The following FGF12 variants were observed in gnomAD, a reference collection of about 807,000 sequenced individuals.
FGF12 encodes fibroblast growth factor 12B.
A neutral mutation model predicts 23.6 loss-of-function variants in FGF12; 14 were observed. That is an observed-to-expected ratio of 0.59 (90% CI 0.39 to 0.93). The LOEUF (loss-of-function observed/expected upper bound fraction) is 0.93. Ranked by LOEUF, FGF12 falls within the 40% of genes least tolerant of loss-of-function variation. FGF12 has a pLI of 0.00. For missense variants in FGF12, 175 were observed against 217.8 expected (o/e 0.80, Z 1.24); for synonymous variants, 62 against 77.3 (o/e 0.80, Z 1.04).
chr3:192,602,610 G>A (rs1054155025), intron 2 of FGF12, among the ~76,000 whole-genome samples: 1 of 151,790 alleles, frequency 6.6e-6, no homozygotes. Flanking sequence ...AAACAGCAAA[G>A]TTTCAATAGA....
At chr3:192,202,167 G>A (rs1053885341) in intron 4 of FGF12, among the ~76,000 whole-genome samples, 10 of 152,212 alleles carry the variant, frequency 6.6e-5, no homozygotes, top group African/African-American at 2.4e-4. Context: ...AAAAAGTAAG[G>A]TATCCAACAG....
intron 2 of FGF12, among the ~76,000 whole-genome samples, chr3:192,703,902 A>C (rs1013687383): frequency 2.0e-5 from 3 of 152,200 alleles, no homozygotes; most frequent in Non-Finnish European, 2.9e-5. Context: ...ACAAGGTCTC[A>C]CTGTGTTGCC....
Position 192,566,913 on chromosome 3 carries a change from G to A in FGF12, c.13+160268C>T, listed in dbSNP as rs1014560155. Among the ~76,000 whole-genome samples, 9 of 152,146 alleles carry A rather than the reference G, an allele frequency of 5.9e-5. No homozygotes were observed. The South Asian group carries it at 1.7e-3, about 28-fold the overall frequency. ...TAGGGTACAAGCAGCAAGAGCCGGC[G>A]GCCTAGAGGGTGCTATGCACTGAAT... On this transcript the variant is annotated intron_variant, in intron 2 of 5. Coordinates refer to ENST00000445105, the MANE Select transcript of FGF12 (RefSeq NM_004113.6).
At chr3:192,258,515 G>T (rs930912992) in intron 4 of FGF12, among the ~76,000 whole-genome samples, 1 of 152,164 alleles carries the variant, frequency 6.6e-6, no homozygotes, top group East Asian at 1.9e-4. Context: ...AGTATAGTTT[G>T]TTTATAATAA....
At chr3:192,313,996 G>C (rs1432249197) in intron 4 of FGF12, among the ~76,000 whole-genome samples, 1 of 152,222 alleles carries the variant, frequency 6.6e-6, no homozygotes, top group African/African-American at 2.4e-5. Flanking sequence ...AATAGGATCA[G>C]TGTCCTTGTA....
At chr3:192,576,142 A>C (rs1459993697) in intron 2 of FGF12, among the ~76,000 whole-genome samples, 2 of 152,206 alleles carry the variant, frequency 1.3e-5, no homozygotes, top group Non-Finnish European at 2.9e-5. Context: ...CAGCACATTT[A>C]TGCAGCCCTT....
intron 2 of FGF12, among the ~76,000 whole-genome samples, chr3:192,677,457 G>A (rs1717368141): frequency 6.6e-6 from 1 of 152,050 alleles, no homozygotes; most frequent in Non-Finnish European, 1.5e-5. Flanking sequence ...ACATACACAG[G>A]GAGAGAATTT....
intron 2 of FGF12, among the ~76,000 whole-genome samples, chr3:192,657,122 C>G (rs1716459037): frequency 6.6e-6 from 1 of 150,886 alleles, no homozygotes; most frequent in South Asian, 2.1e-4. Context: ...TTTTCCTTTA[C>G]ATTCATAAAG....
At chr3:192,711,571 A>C (rs1718682109) in intron 2 of FGF12, among the ~76,000 whole-genome samples, 1 of 152,184 alleles carries the variant, frequency 6.6e-6, no homozygotes, top group Non-Finnish European at 1.5e-5. Context: ...AAAGAAGTAG[A>C]CATAGGAGAC....
chr3:192,469,326 G>A (rs1723104059), intron 2 of FGF12, among the ~76,000 whole-genome samples: 1 of 152,118 alleles, frequency 6.6e-6, no homozygotes, highest in Admixed American at 6.6e-5. Context: ...GGAAATAAAT[G>A]TACATTTGCT....
rs775152193 is a variant in FGF12 at position 192,140,532 on chromosome 3, C to A, written c.*3477G>T. On this transcript the variant is annotated 3_prime_UTR_variant, in exon 6 of 6. Coordinates refer to ENST00000445105, the MANE Select transcript of FGF12 (RefSeq NM_004113.6). ...AATCAGTGCTCCCAAATTAGGAATT[C>A]CAAACTTTTCAATATGCAACCTTTA... is the stretch of plus-strand genomic sequence containing the variant. 6.6e-6 allele frequency: 1 copy of A among 151,950 alleles called. No individual in the cohort carries two copies. The highest frequency in any genetic ancestry group is 1.5e-5 in the Non-Finnish European group (1 of 67,880). 9.4% of individuals were successfully genotyped at this position (151,950 alleles called of 1,614,324 possible). A position where few individuals can be genotyped will look rare whatever the true frequency, so the allele number is the denominator to read the frequency against.
At chr3:192,727,419 G>A in intron 1 of FGF12, 65 bp downstream of exon 1, 1 of 1,311,218 alleles carries the variant, frequency 7.6e-7, no homozygotes, top group Non-Finnish European at 1.0e-6. Flanking sequence ...GATACGTTGC[G>A]ACGCGCATCT....
At chr3:192,500,080 G>A (rs565395533) in intron 2 of FGF12, among the ~76,000 whole-genome samples, 2 of 152,274 alleles carry the variant, frequency 1.3e-5, no homozygotes, top group East Asian at 1.9e-4. Flanking sequence ...GTCAATGTCT[G>A]CCTTAGAAAT....
At chr3:192,531,460 G>A (rs1286273022) in intron 2 of FGF12, among the ~76,000 whole-genome samples, 1 of 152,184 alleles carries the variant, frequency 6.6e-6, no homozygotes. Context: ...GCTTAACATA[G>A]AGATTAGCAC....
At chr3:192,696,680 A>G (rs528762371) in intron 2 of FGF12, among the ~76,000 whole-genome samples, 6 of 152,182 alleles carry the variant, frequency 3.9e-5, no homozygotes, top group Admixed American at 2.6e-4. Flanking sequence ...CCTTACCGTA[A>G]TCAGAAGAAA....
chr3:192,283,863 C>T lies in FGF12; in HGVS notation c.228+51498G>A, dbSNP rs945791469. ...TCCTATTTCCACGTGGTCAGCACTT[C>T]TAAAACAGAGCCCAGGTTCTCTCAA... On this transcript the variant is annotated intron_variant, in intron 4 of 5. Coordinates refer to ENST00000445105, the MANE Select transcript of FGF12 (RefSeq NM_004113.6). Among the ~76,000 whole-genome samples the T allele has an allele frequency of 6.2e-4, 95 of 152,044 alleles. 1 individual carries two copies. The highest frequency in any genetic ancestry group is 2.2e-3 in the African/African-American group (93 of 41,416).
chr3:192,381,673 A>T (rs1486151073), intron 2 of FGF12, among the ~76,000 whole-genome samples: 2 of 152,240 alleles, frequency 1.3e-5, no homozygotes, highest in Non-Finnish European at 2.9e-5. Context: ...AGAAGGAATT[A>T]GCTAGAGGAA....
chr3:192,341,395 T>C (rs2108708558), intron 3 of FGF12, among the ~76,000 whole-genome samples: 1 of 152,306 alleles, frequency 6.6e-6, no homozygotes, highest in South Asian at 2.1e-4. Flanking sequence ...AAAAATTATA[T>C]ATCCATAATA....
At chr3:192,257,928 T>C (rs1445714728) in intron 4 of FGF12, among the ~76,000 whole-genome samples, 4 of 152,022 alleles carry the variant, frequency 2.6e-5, no homozygotes, top group African/African-American at 4.8e-5. Context: ...CAGCAAATGT[T>C]TGAGAATCAA....
Sources: allele counts gnomAD v4.1 joint callset (sites outside exome capture counted in the v4.1 genomes callset), GRCh38; gene constraint gnomAD v4.1.1; transcripts MANE v1.5; gene names NCBI Gene and HGNC (gene_info 2026-07-23, HGNC 2026-07-21).